TRPC4: variants seen among roughly 807,000 people sequenced by gnomAD.
TRPC4 encodes the protein transient receptor potential cation channel subfamily C member 4, also known as short transient receptor potential channel 4.
Under a neutral mutation model 99.4 loss-of-function variants are expected in TRPC4, and 49 were observed. That is an observed-to-expected ratio of 0.49 (90% CI 0.39 to 0.63). TRPC4 has a LOEUF of 0.63. Among genes scored for constraint, TRPC4 ranks in the 20% least tolerant of loss-of-function variants. The pLI is 0.00. For synonymous variants in TRPC4, 454 were observed against 425.9 expected, an observed-to-expected ratio of 1.07 and a Z score of -0.81; for missense variants, 898 against 1,152.9, an observed-to-expected ratio of 0.78 and a Z score of 3.20.
Position 37,663,748 on chromosome 13 carries a change from C to T in TRPC4, c.1375-19G>A, listed in dbSNP as rs184841470. 442 of 1,580,884 alleles carry T rather than the reference C, an allele frequency of 2.8e-4. No homozygotes were observed. The African/African-American group carries it at 2.9e-3, about 10-fold the overall frequency. ...CACTGTACTGGAAAAAACAGAGAAA[C>T]AAAGGGAAAGTAAAACAAACACACG... On this transcript the variant is annotated intron_variant, in intron 5 of 10. Coordinates refer to ENST00000379705, the MANE Select transcript of TRPC4 (RefSeq NM_016179.4).
intron 1 of TRPC4, among the ~76,000 whole-genome samples, chr13:37,863,495 T>C (rs1959533983): frequency 6.6e-6 from 1 of 151,604 alleles, no homozygotes; most frequent in Admixed American, 6.6e-5. Flanking sequence ...TTCCTGTACA[T>C]ATTGGGCTCT....
At chr13:37,718,345 CACA>C (rs1431884993) in intron 3 of TRPC4, among the ~76,000 whole-genome samples, 1 of 151,138 alleles carries the variant, frequency 6.6e-6, no homozygotes, top group South Asian at 2.1e-4. Context: ...CTAGAGTCTC[CACA>C]ACAACTTACA....
At chr13:37,721,443 T>C (rs1333364) in intron 3 of TRPC4, among the ~76,000 whole-genome samples, 17,271 of 152,086 alleles carry the variant, frequency 0.11, 1,093 homozygotes, top group Admixed American at 0.18. Flanking sequence ...AAAGAGGCTA[T>C]CTTAGGGTTT....
chr13:37,688,606 T>C (rs959161290), intron 4 of TRPC4, among the ~76,000 whole-genome samples: 20 of 152,048 alleles, frequency 1.3e-4, no homozygotes, highest in African/African-American at 4.6e-4. Flanking sequence ...AAATGAGAGG[T>C]ATAAAGTGAT....
chr13:37,819,970 G>T lies in TRPC4; in HGVS notation c.-27-36610C>A, dbSNP rs564298375. On this transcript the variant is annotated intron_variant, in intron 1 of 10. Coordinates refer to ENST00000379705, the MANE Select transcript of TRPC4 (RefSeq NM_016179.4). The stretch of plus-strand genomic sequence containing the variant: ...TCAGAGATGAACCAAAGGAAATTGA[G>T]ATGTAAAAAACCACACAAAAGATCA... Among the ~76,000 whole-genome samples the T allele has an allele frequency of 8.6e-5, 13 of 151,876 alleles. No homozygotes were observed. In the South Asian group the frequency reaches 2.7e-3, roughly 32 times the overall value.
chr13:37,858,910 T>C (rs533344817), intron 1 of TRPC4, among the ~76,000 whole-genome samples: 1 of 151,284 alleles, frequency 6.6e-6, no homozygotes, highest in African/African-American at 2.4e-5. Flanking sequence ...TAACTTTACA[T>C]TTAAAAATAA....
chr13:37,808,702 C>T (rs1198409322), intron 1 of TRPC4, among the ~76,000 whole-genome samples: 3 of 152,020 alleles, frequency 2.0e-5, no homozygotes, highest in Admixed American at 6.6e-5. Flanking sequence ...TCTGCTAGCA[C>T]CTAAGCATGG....
intron 3 of TRPC4, among the ~76,000 whole-genome samples, chr13:37,708,538 A>G (rs1300241001): frequency 6.6e-6 from 1 of 151,904 alleles, no homozygotes; most frequent in Non-Finnish European, 1.5e-5. Context: ...ATATTCTTGG[A>G]CATTTCTGTA....
intron 4 of TRPC4, among the ~76,000 whole-genome samples, chr13:37,686,306 G>A (rs1953476189): frequency 6.6e-6 from 1 of 151,864 alleles, no homozygotes; most frequent in Admixed American, 6.6e-5. Context: ...GTGTGTATAT[G>A]TGTCTATATG....
intron 6 of TRPC4, among the ~76,000 whole-genome samples, chr13:37,658,526 T>C (rs1299556103): frequency 6.6e-6 from 1 of 152,164 alleles, no homozygotes; most frequent in East Asian, 1.9e-4. Context: ...TTATCTTTAG[T>C]TTATAAGCAA....
intron 1 of TRPC4, among the ~76,000 whole-genome samples, chr13:37,848,747 A>G (rs2139668592): frequency 6.6e-6 from 1 of 152,324 alleles, no homozygotes; most frequent in South Asian, 2.1e-4. Flanking sequence ...GGTCCTGGTC[A>G]TCAGTACTCA....
chr13:37,735,303 CGTTTCA>C (rs2139104186), intron 3 of TRPC4, among the ~76,000 whole-genome samples: 1 of 152,194 alleles, frequency 6.6e-6, no homozygotes, highest in African/African-American at 2.4e-5. Context: ...CGAACTATAA[CGTTTCA>C]GTTTCATAAA....
At chr13:37,718,231 G>C (rs1954745689) in intron 3 of TRPC4, among the ~76,000 whole-genome samples, 1 of 151,998 alleles carries the variant, frequency 6.6e-6, no homozygotes, top group East Asian at 1.9e-4. Flanking sequence ...AGGGGATTTA[G>C]AGAAGTACTG....
At chr13:37,683,176 C>A (rs895256774) in intron 4 of TRPC4, among the ~76,000 whole-genome samples, 2 of 151,990 alleles carry the variant, frequency 1.3e-5, no homozygotes, top group Non-Finnish European at 2.9e-5. Flanking sequence ...CCAAGAAAAT[C>A]CCTCATAAAG....
At chr13:37,793,530 A>G (rs942051189) in intron 1 of TRPC4, among the ~76,000 whole-genome samples, 1 of 151,878 alleles carries the variant, frequency 6.6e-6, no homozygotes, top group Non-Finnish European at 1.5e-5. Context: ...TACATATGAC[A>G]AAGAAGAGTT....
At chr13:37,641,261 C>A (rs1275382682) in intron 8 of TRPC4, among the ~76,000 whole-genome samples, 3 of 151,970 alleles carry the variant, frequency 2.0e-5, no homozygotes. Context: ...CTTAAAAAAT[C>A]AAAATGGATT....
intron 7 of TRPC4, 78 bp downstream of exon 7, chr13:37,655,010 T>C (rs1952177008): frequency 9.0e-7 from 1 of 1,113,032 alleles, no homozygotes; most frequent in African/African-American, 1.6e-5. Context: ...TTATTTACGA[T>C]GATAAGAAGA....
intron 1 of TRPC4, among the ~76,000 whole-genome samples, chr13:37,843,681 GACACAC>G (rs5802907): frequency 3.9e-4 from 52 of 134,134 alleles, no homozygotes; most frequent in Non-Finnish European, 5.5e-4. Flanking sequence ...GATGTTTGGT[GACACAC>G]ACACACACAC....
intron 5 of TRPC4, among the ~76,000 whole-genome samples, chr13:37,670,147 G>A (rs1445443904): frequency 6.6e-6 from 1 of 151,910 alleles, no homozygotes; most frequent in African/African-American, 2.4e-5. Context: ...CTGGAACCTT[G>A]ATCTCAGGCT....
Sources: gnomAD v4.1 joint callset for allele counts (sites outside exome capture counted in the v4.1 genomes callset) on GRCh38, gnomAD v4.1.1 for gene constraint, MANE v1.5 for transcripts, NCBI Gene and HGNC (gene_info 2026-07-23, HGNC 2026-07-21) for gene names.